The following TAFA2 variants were observed in gnomAD, a reference collection of about 807,000 sequenced individuals.
TAFA2 encodes TAFA chemokine like family member 2.
Under a neutral mutation model 18.8 loss-of-function variants are expected in TAFA2, and 7 were observed. The ratio of observed to expected loss-of-function variants is 0.37; its 90% CI spans 0.21 to 0.70. The LOEUF (loss-of-function observed/expected upper bound fraction) is 0.70. TAFA2 is among the 30% of genes least tolerant of loss of function. TAFA2 has a pLI of 0.53. For synonymous variants in TAFA2, 60 were observed against 54.2 expected, an observed-to-expected ratio of 1.11 and a Z score of -0.47; for missense variants, 122 against 158.1, an observed-to-expected ratio of 0.77 and a Z score of 1.23.
chr12:62,203,765 C>G (rs145949767), intron 1 of TAFA2, among the ~76,000 whole-genome samples: 49 of 152,194 alleles, frequency 3.2e-4, no homozygotes, highest in Admixed American at 1.4e-3. Flanking sequence ...TACAACATAC[C>G]AATGGGTCTT....
intron 1 of TAFA2, among the ~76,000 whole-genome samples, chr12:62,142,907 C>T (rs1013961220): frequency 3.3e-5 from 5 of 151,968 alleles, no homozygotes; most frequent in Admixed American, 6.6e-5. Flanking sequence ...CTTATGAGAA[C>T]GCTATTATAT....
intron 1 of TAFA2, among the ~76,000 whole-genome samples, chr12:61,894,746 ACTCAAAG>A (rs960618617): frequency 1.3e-5 from 2 of 152,200 alleles, no homozygotes; most frequent in Admixed American, 6.5e-5. Context: ...GTAATTTTCA[ACTCAAAG>A]CTCAAAGCTA....
chr12:61,778,198 C>T lies in TAFA2; in HGVS notation c.107-23174G>A, dbSNP rs1313469742. 2.0e-5 allele frequency among the ~76,000 whole-genome samples: 3 copies of T among 151,778 alleles called. No individual in the cohort carries two copies. The East Asian group carries it at 5.8e-4, about 30-fold the overall frequency. On this transcript the variant is annotated intron_variant, in intron 2 of 4. Coordinates refer to ENST00000416284, the MANE Select transcript of TAFA2 (RefSeq NM_178539.5). Reference sequence around the variant, plus strand: ...CCCTCTTTACTTTTGGAGATTGTTGCAAGGGCTCACCCTAAGGATTAACTG... The same window carrying T: ...CCCTCTTTACTTTTGGAGATTGTTGTAAGGGCTCACCCTAAGGATTAACTG...
At chr12:62,129,146 C>T (rs1351491357) in intron 1 of TAFA2, among the ~76,000 whole-genome samples, 1 of 151,924 alleles carries the variant, frequency 6.6e-6, no homozygotes, top group Non-Finnish European at 1.5e-5. Context: ...GGACTGTATA[C>T]ACAAACTTTA....
chr12:61,947,965 T>G (rs1878337654), intron 1 of TAFA2, among the ~76,000 whole-genome samples: 2 of 152,080 alleles, frequency 1.3e-5, no homozygotes, highest in South Asian at 4.1e-4. Context: ...TATCAAGCTA[T>G]CAGACTTATA....
At chr12:61,858,378 C>T (rs1873976576) in intron 2 of TAFA2, among the ~76,000 whole-genome samples, 1 of 151,994 alleles carries the variant, frequency 6.6e-6, no homozygotes, top group Non-Finnish European at 1.5e-5. Context: ...CTTTTTGATA[C>T]CCAAAATTCT....
chr12:61,852,194 G>A lies in TAFA2; in HGVS notation c.106+15126C>T, dbSNP rs191481900. Among the ~76,000 whole-genome samples, 630 of 136,174 alleles carry A rather than the reference G, an allele frequency of 4.6e-3. 7 individuals carry two copies. Among genetic ancestry groups the A allele is most frequent in the African/African-American group, 0.016 (577 of 35,326 alleles). 89.3% of individuals were successfully genotyped at this position (136,174 alleles called of 152,430 possible). On this transcript the variant is annotated intron_variant, in intron 2 of 4. Coordinates refer to ENST00000416284, the MANE Select transcript of TAFA2 (RefSeq NM_178539.5). ...GCACTCCAGCCTGGGCAACAAGAGCGAAACTTCGTCTCAAAAAAAAAAAAA... is the reference window on the plus strand; with the variant it reads ...GCACTCCAGCCTGGGCAACAAGAGCAAAACTTCGTCTCAAAAAAAAAAAAA...
chr12:61,890,075 C>A (rs148418036), intron 1 of TAFA2, among the ~76,000 whole-genome samples: 35 of 152,298 alleles, frequency 2.3e-4, no homozygotes, highest in African/African-American at 8.4e-4. Context: ...CACAATTTAT[C>A]CTATTTCTTA....
intron 1 of TAFA2, among the ~76,000 whole-genome samples, chr12:61,898,916 C>T (rs907581506): frequency 2.0e-5 from 3 of 151,592 alleles, no homozygotes; most frequent in Admixed American, 6.6e-5. Flanking sequence ...TTTTTCCAAA[C>T]GTTTTATGCT....
intron 1 of TAFA2, among the ~76,000 whole-genome samples, chr12:62,169,484 G>A (rs2062462224): frequency 6.6e-6 from 1 of 152,164 alleles, no homozygotes; most frequent in African/African-American, 2.4e-5. Flanking sequence ...TTTTGTAAGT[G>A]TTTATTGGTT....
intron 1 of TAFA2, among the ~76,000 whole-genome samples, chr12:62,177,618 T>C (rs75563105): frequency 0.01 from 1,532 of 152,240 alleles, 21 homozygotes; most frequent in African/African-American, 0.03. Context: ...ATTACTCACA[T>C]TTCCTCTTGG....
At chr12:61,794,025 A>G (rs1871092421) in intron 2 of TAFA2, among the ~76,000 whole-genome samples, 1 of 151,972 alleles carries the variant, frequency 6.6e-6, no homozygotes, top group Non-Finnish European at 1.5e-5. Flanking sequence ...ATAAGCTCTC[A>G]GCAAACTAGG....
intron 1 of TAFA2, among the ~76,000 whole-genome samples, chr12:62,183,326 G>A (rs1311285379): frequency 1.3e-5 from 2 of 152,120 alleles, no homozygotes; most frequent in Non-Finnish European, 1.5e-5. Context: ...CCAGCCTCCA[G>A]AATTGTGAGA....
At chr12:62,168,898 G>A (rs2062457599) in intron 1 of TAFA2, among the ~76,000 whole-genome samples, 1 of 150,598 alleles carries the variant, frequency 6.6e-6, no homozygotes, top group Admixed American at 6.6e-5. Context: ...ACCTCTTTTG[G>A]ACCCTAATTG....
At chr12:62,177,639 G>A (rs1592384530) in intron 1 of TAFA2, among the ~76,000 whole-genome samples, 1 of 152,094 alleles carries the variant, frequency 6.6e-6, no homozygotes, top group East Asian at 1.9e-4. Context: ...GTATCGCAAA[G>A]GTACCTCAAA....
At chr12:62,104,010 G>T (rs1360113105) in intron 1 of TAFA2, among the ~76,000 whole-genome samples, 2 of 152,024 alleles carry the variant, frequency 1.3e-5, no homozygotes, top group Non-Finnish European at 2.9e-5. Flanking sequence ...AATTCCACAG[G>T]CATAAATCAT....
rs539303691 is a variant in TAFA2, at chr12:62,220,692, G to A, written c.-130+38071C>T. On this transcript the variant is annotated intron_variant, in intron 1 of 5. Transcript: ENST00000551619. ...GGGGGAAGAGTATGCGTGTGTGTAC[G>A]CAGTGGCATATGGGATCTCTCTGTA... 9.9e-5 allele frequency among the ~76,000 whole-genome samples: 15 copies of A among 152,262 alleles called. No individual in the cohort carries two copies. In the South Asian group the frequency reaches 3.1e-3, roughly 32 times the overall value.
chr12:62,121,189 T>C (rs1304006358), intron 1 of TAFA2, among the ~76,000 whole-genome samples: 2 of 152,124 alleles, frequency 1.3e-5, no homozygotes, highest in Non-Finnish European at 2.9e-5. Context: ...TATGAATCCC[T>C]CTTGGGGTCT....
chr12:62,123,926 GT>G (rs1433208445), intron 1 of TAFA2, among the ~76,000 whole-genome samples: 1 of 152,058 alleles, frequency 6.6e-6, no homozygotes, highest in Non-Finnish European at 1.5e-5. Flanking sequence ...AGTCTGTAGA[GT>G]TAGGAGGTTA....
Sources: allele counts gnomAD v4.1 joint callset (sites outside exome capture counted in the v4.1 genomes callset), GRCh38; gene constraint gnomAD v4.1.1; transcripts MANE v1.5; gene names NCBI Gene and HGNC (gene_info 2026-07-23, HGNC 2026-07-21).